SCARA3: variants seen among roughly 807,000 people sequenced by gnomAD.
SCARA3 encodes cellular stress response gene protein.
A neutral mutation model predicts 47.0 loss-of-function variants in SCARA3; 39 were observed. The observed-to-expected ratio is 0.83, with a 90% CI of 0.64 to 1.08. The LOEUF is 1.08. Among genes scored for constraint, SCARA3 ranks in the 50% least tolerant of loss-of-function variants. The pLI is 0.00. For synonymous variants in SCARA3, 356 were observed against 334.1 expected (o/e 1.07, Z -0.71); for missense variants, 724 against 792.3 (o/e 0.91, Z 1.04).
At chr8:27,697,765 A>T in the SCARA3 span, among the ~76,000 whole-genome samples, 2 of 152,114 alleles carry the variant, frequency 1.3e-5, no homozygotes, top group Admixed American at 6.5e-5. Context: ...TTATAAGGGG[A>T]AACCCCTTTC....
chr8:27,651,456 C>A, intron 2 of SCARA3, 52 bp from the exon 3 acceptor site: 1 of 1,592,646 alleles, frequency 6.3e-7, no homozygotes, highest in Admixed American at 1.7e-5. Flanking sequence ...GACCCTTCAG[C>A]TCCAACCTGG....
At position 27,659,166 on chromosome 8, in the gene SCARA3, C is replaced by A; in HGVS notation, c.996C>A (p.Thr332=). 6.2e-7 allele frequency: 1 copy of A among 1,614,102 alleles called. No individual in the cohort carries two copies. Among genetic ancestry groups the A allele is most frequent in the Non-Finnish European group, 8.5e-7 (1 of 1,180,016 alleles). Reference sequence around the variant, plus strand: ...ACATGCATGATCTTCAGTACCATACCCACTACGCCCAGAACCGCACTGTGG... The same window carrying A: ...ACATGCATGATCTTCAGTACCATACACACTACGCCCAGAACCGCACTGTGG... ...EENMHDLQYH[T]HYAQNRTVER... Residue 332 remains threonine, a synonymous_variant, in exon 5 of 6, where the codon ACC becomes ACA. Coordinates refer to ENST00000301904, the MANE Select transcript of SCARA3 (RefSeq NM_016240.3).
At chr8:27,712,286 G>A in the SCARA3 span, among the ~76,000 whole-genome samples, 1 of 152,046 alleles carries the variant, frequency 6.6e-6, no homozygotes, top group Admixed American at 6.5e-5. Flanking sequence ...CCATGTGGCC[G>A]GGCGCGGTGG....
chr8:27,712,370 C>T, the SCARA3 span, among the ~76,000 whole-genome samples: 3 of 151,498 alleles, frequency 2.0e-5, no homozygotes, highest in Non-Finnish European at 2.9e-5. Flanking sequence ...GAGACCATCC[C>T]GGCTAAAACG....
intron 3 of SCARA3, among the ~76,000 whole-genome samples, chr8:27,652,026 G>C (rs1463348215): frequency 6.6e-6 from 1 of 152,238 alleles, no homozygotes; most frequent in East Asian, 1.9e-4. Context: ...CCAGGGTTGA[G>C]ATCACTGGAT....
chr8:27,642,925 G>A (rs1158675262), intron 1 of SCARA3, among the ~76,000 whole-genome samples: 1 of 152,208 alleles, frequency 6.6e-6, no homozygotes, highest in African/African-American at 2.4e-5. Context: ...GGTTGGTGCT[G>A]TGGACAGAGA....
chr8:27,666,264 C>G (rs776025181), intron 5 of SCARA3, among the ~76,000 whole-genome samples: 1 of 152,198 alleles, frequency 6.6e-6, no homozygotes, highest in Non-Finnish European at 1.5e-5. Context: ...TTTGCACAAA[C>G]CAATAACAAA....
chr8:27,634,986 C>A (rs1392808959), intron 1 of SCARA3, among the ~76,000 whole-genome samples: 2 of 152,172 alleles, frequency 1.3e-5, no homozygotes, highest in African/African-American at 2.4e-5. Flanking sequence ...AGGGAACCTC[C>A]GAGGTTTTGA....
At chr8:27,721,634 G>A in the SCARA3 span, among the ~76,000 whole-genome samples, 1 of 152,146 alleles carries the variant, frequency 6.6e-6, no homozygotes. Flanking sequence ...GACTGAGGTG[G>A]AATGGGGGTC....
the SCARA3 span, among the ~76,000 whole-genome samples, chr8:27,717,435 C>T: frequency 6.6e-6 from 1 of 152,200 alleles, no homozygotes; most frequent in African/African-American, 2.4e-5. Flanking sequence ...GCCCAGACTT[C>T]TCAATGTACG....
At chr8:27,680,364 A>C (rs1802339353), downstream of SCARA3, among the ~76,000 whole-genome samples, 1 of 152,100 alleles carries the variant, frequency 6.6e-6, no homozygotes. Flanking sequence ...CAACAATAGT[A>C]ATGAAAAAGG....
Position 27,648,491 on chromosome 8 carries a change from C to A in SCARA3, c.8-1211C>A, listed in dbSNP as rs543255158. Among the ~76,000 whole-genome samples the A allele has an allele frequency of 2.6e-5, 4 of 152,136 alleles. No individual in the cohort carries two copies. The South Asian group carries it at 8.3e-4, about 32-fold the overall frequency. The stretch of plus-strand genomic sequence containing the variant: ...TGGTGGCGGGCACCTGTAGTCCCAG[C>A]TACTCGGGAGGCTGAGGCAGGAGAA... On this transcript the variant is annotated intron_variant, in intron 1 of 5. Transcript: ENST00000301904.
chr8:27,724,553 G>A, the SCARA3 span, among the ~76,000 whole-genome samples: 3 of 152,168 alleles, frequency 2.0e-5, no homozygotes, highest in Non-Finnish European at 4.4e-5. Flanking sequence ...AGCTACTTGA[G>A]AGGCTGAGGC....
At chr8:27,721,248 A>G in the SCARA3 span, among the ~76,000 whole-genome samples, 4 of 152,368 alleles carry the variant, frequency 2.6e-5, no homozygotes, top group East Asian at 7.7e-4. Flanking sequence ...ATACATATAT[A>G]TCTGTATTTG....
the SCARA3 span, among the ~76,000 whole-genome samples, chr8:27,724,015 C>T: frequency 2.0e-5 from 3 of 152,166 alleles, no homozygotes; most frequent in Non-Finnish European, 2.9e-5. Context: ...GGATTATAGG[C>T]GCAAGCCACT....
chr8:27,671,723 T>TGC lies in SCARA3; in HGVS notation c.*373_*374dup. On this transcript the variant is annotated 3_prime_UTR_variant, in exon 6 of 6. Transcript: ENST00000301904. ...GCACACATGCATGCACACATACACATGCACACACACATGCACACATATATG... is the reference window on the plus strand; with the variant it reads ...GCACACATGCATGCACACATACACATGCGCACACACACATGCACACATATATG... 2.9e-6 allele frequency: 3 copies of TGC among 1,038,670 alleles called. No individual in the cohort carries two copies. The African/African-American group carries it at 5.1e-5, about 18-fold the overall frequency. The allele number at this position is 1,038,670 out of a possible 1,614,324, so 64.3% of individuals were successfully genotyped here.
downstream of SCARA3, among the ~76,000 whole-genome samples, chr8:27,675,403 GTTTGA>G (rs970475185): frequency 1.3e-5 from 2 of 152,222 alleles, no homozygotes; most frequent in African/African-American, 4.8e-5. Context: ...GCTGGGGATT[GTTTGA>G]CCTGCAGGAG....
At chr8:27,689,927 C>A in the SCARA3 span, among the ~76,000 whole-genome samples, 1 of 152,162 alleles carries the variant, frequency 6.6e-6, no homozygotes, top group Non-Finnish European at 1.5e-5. Flanking sequence ...AATTCAAGAC[C>A]AGCCTGGACA....
At chr8:27,650,637 A>C (rs567758442) in intron 2 of SCARA3, among the ~76,000 whole-genome samples, 2 of 152,314 alleles carry the variant, frequency 1.3e-5, no homozygotes, top group African/African-American at 4.8e-5. Context: ...TGTGTGGCTA[A>C]AGGTGAGTTC....
Sources: allele counts gnomAD v4.1 joint callset (sites outside exome capture counted in the v4.1 genomes callset), GRCh38; gene constraint gnomAD v4.1.1; transcripts MANE v1.5; gene names NCBI Gene and HGNC (gene_info 2026-07-23, HGNC 2026-07-21).